Variants in MAN1C1 observed in about 807,000 individuals in gnomAD.
MAN1C1 encodes mannosyl-oligosaccharide 1,2-alpha-mannosidase IC.
MAN1C1 carries 49 observed loss-of-function variants against 71.5 expected under a neutral mutation model. That is an observed-to-expected ratio of 0.69 (90% CI 0.54 to 0.87). The LOEUF is 0.87. Ranked by LOEUF, MAN1C1 falls within the 40% of genes least tolerant of loss-of-function variation. The probability of loss-of-function intolerance (pLI) is 0.00; values close to 1 mark genes in which losing one functional copy is unlikely to be tolerated. For synonymous variants in MAN1C1, 352 were observed against 343.7 expected, an observed-to-expected ratio of 1.02 and a Z score of -0.27; for missense variants, 743 against 835.0, an observed-to-expected ratio of 0.89 and a Z score of 1.36.
At chr1:25,642,239 G>A (rs2045547738) in intron 1 of MAN1C1, among the ~76,000 whole-genome samples, 1 of 152,148 alleles carries the variant, frequency 6.6e-6, no homozygotes, top group Non-Finnish European at 1.5e-5. Context: ...CAGAGATCCT[G>A]AGGGCCTTAC....
intron 1 of MAN1C1, among the ~76,000 whole-genome samples, chr1:25,627,297 C>T (rs1448826279): frequency 6.6e-6 from 1 of 151,796 alleles, no homozygotes; most frequent in Non-Finnish European, 1.5e-5. Flanking sequence ...TTCTTCTCTT[C>T]TCTTCTCTTT....
intron 2 of MAN1C1, among the ~76,000 whole-genome samples, chr1:25,732,567 G>A (rs113929069): frequency 0.011 from 1,720 of 152,324 alleles, 35 homozygotes; most frequent in African/African-American, 0.038. Context: ...TTGCGTCTGC[G>A]GCGTCCGGCA....
chr1:25,685,367 C>G (rs2179379), intron 1 of MAN1C1, among the ~76,000 whole-genome samples: 11,016 of 152,272 alleles, frequency 0.072, 1,317 homozygotes, highest in African/African-American at 0.25. Flanking sequence ...CGCCTCAGCT[C>G]TGCTGCCACC....
chr1:25,697,747 G>A (rs77913372), intron 2 of MAN1C1, among the ~76,000 whole-genome samples: 3,323 of 152,232 alleles, frequency 0.022, 98 homozygotes, highest in African/African-American at 0.073. Flanking sequence ...AATACACCTA[G>A]GATTTGAATT....
intron 2 of MAN1C1, among the ~76,000 whole-genome samples, chr1:25,722,674 A>G (rs985112452): frequency 1.3e-5 from 2 of 152,048 alleles, no homozygotes; most frequent in South Asian, 4.1e-4. Context: ...CTTCCTGCAG[A>G]GTCTCTGTGT....
At chr1:25,768,770 A>C (rs2047498947) in intron 7 of MAN1C1, among the ~76,000 whole-genome samples, 2 of 115,046 alleles carry the variant, frequency 1.7e-5, no homozygotes, top group African/African-American at 7.0e-5. Context: ...ATACATCCAC[A>C]CTCCCCTCAC....
chr1:25,688,614 G>A (rs2124183587), intron 2 of MAN1C1, among the ~76,000 whole-genome samples: 1 of 152,286 alleles, frequency 6.6e-6, no homozygotes, highest in South Asian at 2.1e-4. Context: ...AAGCCTGGTG[G>A]CGCATGCTTG....
chr1:25,644,045 T>G (rs1379730048), intron 1 of MAN1C1, among the ~76,000 whole-genome samples: 2 of 152,192 alleles, frequency 1.3e-5, no homozygotes, highest in Non-Finnish European at 2.9e-5. Flanking sequence ...GTTCTTACTG[T>G]GTGCCAGGCA....
At chr1:25,685,242 T>TGA in intron 1 of MAN1C1, among the ~76,000 whole-genome samples, 1 of 152,256 alleles carries the variant, frequency 6.6e-6, no homozygotes, top group East Asian at 1.9e-4. Context: ...CTGATGCAAC[T>TGA]GATTTCACGC....
chr1:25,674,613 A>G (rs539098464), intron 1 of MAN1C1, among the ~76,000 whole-genome samples: 17 of 152,260 alleles, frequency 1.1e-4, no homozygotes, highest in Non-Finnish European at 2.2e-4. Context: ...CACCAGGCAA[A>G]AAGAGGAGGG....
At position 25,749,284 on chromosome 1, in the gene MAN1C1, C is replaced by T. The variant is rs1487501029; in HGVS notation, c.783C>T (p.Asn261=). 5 of 1,612,462 alleles carry T rather than the reference C, an allele frequency of 3.1e-6. No homozygotes were observed. The highest frequency in any genetic ancestry group is 1.7e-5 in the Admixed American group (1 of 59,914). ...VSGEASLFEV[N]IRYIGGLLSA... is the part of the protein sequence containing the mutation. ...GAGAAGCATCCTTGTTTGAGGTGAA[C>T]ATCCGCTACATCGGGGGACTCCTCT... is the stretch of plus-strand genomic sequence containing the variant. The change falls in exon 4 of 12, where the codon AAC becomes AAT. Residue 261 remains asparagine (N), a synonymous_variant. Coordinates refer to ENST00000374332, the MANE Select transcript of MAN1C1 (RefSeq NM_020379.4).
intron 1 of MAN1C1, among the ~76,000 whole-genome samples, chr1:25,624,998 ATTTTTTTTTTTTT>A (rs1032269792): frequency 9.8e-6 from 1 of 101,590 alleles, no homozygotes; most frequent in Non-Finnish European, 1.8e-5. Flanking sequence ...AAATGCACAG[ATTTTTTTTTTTTT>A]TTTTTTTTTT....
chr1:25,625,046 T>C (rs59271711), intron 1 of MAN1C1, among the ~76,000 whole-genome samples: 24,063 of 146,450 alleles, frequency 0.16, 5,226 homozygotes, highest in African/African-American at 0.49. Flanking sequence ...TGCTCTGTCT[T>C]CCAGGCTGGA....
Position 25,617,692 on chromosome 1 carries a change from C to A in MAN1C1, c.-106C>A. On this transcript the variant is annotated 5_prime_UTR_variant, in exon 1 of 12. Coordinates refer to ENST00000374332, the MANE Select transcript of MAN1C1 (RefSeq NM_020379.4). This position sits in a 1 kb window ranked among gnomAD's most constrained non-coding sequence, Gnocchi z 5.1. Reference sequence around the variant, plus strand: ...AACTCTCAGGGTTGGCAACCCTGCCCAGGGACCCCCATCCCGGGCGGCGCT... The same window carrying A: ...AACTCTCAGGGTTGGCAACCCTGCCAAGGGACCCCCATCCCGGGCGGCGCT... 9.1e-7 allele frequency: 1 copy of A among 1,094,102 alleles called. No individual in the cohort carries two copies. Among genetic ancestry groups the A allele is most frequent in the Non-Finnish European group, 1.3e-6 (1 of 788,828 alleles). 67.8% of individuals were successfully genotyped at this position (1,094,102 alleles called of 1,614,324 possible).
intron 1 of MAN1C1, among the ~76,000 whole-genome samples, chr1:25,658,125 T>A (rs2124091545): frequency 6.6e-6 from 1 of 152,346 alleles, no homozygotes; most frequent in Middle Eastern, 3.4e-3. Context: ...CAGGGTGGCC[T>A]AGTAGATATT....
intron 10 of MAN1C1, chr1:25,781,314 AGGCCAG>A: frequency 3.4e-6 from 2 of 588,210 alleles, no homozygotes; most frequent in Non-Finnish European, 6.0e-6. Flanking sequence ...GAGACAGGAC[AGGCCAG>A]ACTTGTGAAG....
intron 1 of MAN1C1, among the ~76,000 whole-genome samples, chr1:25,672,577 C>T (rs1425862616): frequency 6.6e-6 from 1 of 152,178 alleles, no homozygotes; most frequent in Non-Finnish European, 1.5e-5. Context: ...GACACTGATT[C>T]TCCTGCCTCT....
At chr1:25,643,331 T>G (rs986509757) in intron 1 of MAN1C1, among the ~76,000 whole-genome samples, 3 of 151,536 alleles carry the variant, frequency 2.0e-5, no homozygotes, top group Non-Finnish European at 4.4e-5. Flanking sequence ...CTCTGCTCAC[T>G]GCAACCTCTG....
chr1:25,770,371 G>A (rs1460566623), intron 7 of MAN1C1, among the ~76,000 whole-genome samples: 4 of 152,246 alleles, frequency 2.6e-5, no homozygotes, highest in Non-Finnish European at 4.4e-5. Context: ...GTACCATGTG[G>A]CTGGCCTCCT....
Sources: allele counts gnomAD v4.1 joint callset (sites outside exome capture counted in the v4.1 genomes callset), GRCh38; gene constraint gnomAD v4.1.1; non-coding constraint Gnocchi (gnomAD v3.1); transcripts MANE v1.5; gene names NCBI Gene and HGNC (gene_info 2026-07-23, HGNC 2026-07-21).